Variants in GPR158 observed in about 807,000 individuals in gnomAD.
GPR158 encodes metabotropic glycine receptor.
Under a neutral mutation model 78.2 loss-of-function variants are expected in GPR158, and 30 were observed. That is an observed-to-expected ratio of 0.38 (90% CI 0.29 to 0.52). The LOEUF is 0.52. GPR158 is among the 20% of genes least tolerant of loss of function. The probability of loss-of-function intolerance (pLI) is 0.83; values close to 1 mark genes in which losing one functional copy is unlikely to be tolerated. For synonymous variants in GPR158, 581 were observed against 591.1 expected (o/e 0.98, Z 0.25); for missense variants, 1,463 against 1,523.5 (o/e 0.96, Z 0.66).
intron 5 of GPR158, among the ~76,000 whole-genome samples, chr10:25,526,352 T>C (rs185110653): frequency 6.6e-6 from 1 of 152,230 alleles, no homozygotes; most frequent in Non-Finnish European, 1.5e-5. Flanking sequence ...CCAGTTTATG[T>C]AGTGTGTGAA....
chr10:25,518,429 T>G (rs1836212810), intron 5 of GPR158, among the ~76,000 whole-genome samples: 2 of 94,310 alleles, frequency 2.1e-5, no homozygotes, highest in South Asian at 6.0e-4. Context: ...TGAATGTGTT[T>G]GCTCTTGCTT....
intron 5 of GPR158, among the ~76,000 whole-genome samples, chr10:25,537,562 T>A (rs1385536196): frequency 6.6e-6 from 1 of 152,086 alleles, no homozygotes; most frequent in African/African-American, 2.4e-5. Flanking sequence ...ACATACAATT[T>A]TATATATATT....
At chr10:25,261,786 A>G (rs983990344) in intron 2 of GPR158, among the ~76,000 whole-genome samples, 14 of 152,024 alleles carry the variant, frequency 9.2e-5, no homozygotes, top group Middle Eastern at 3.2e-3. Context: ...TTCCCTTTGG[A>G]GCTAATAGAA....
At position 25,561,881 on chromosome 10, in the gene GPR158, T is replaced by C. The variant is rs568375384; in HGVS notation, c.1515-10768T>C. Among the ~76,000 whole-genome samples, 21 of 152,280 alleles carry C rather than the reference T, an allele frequency of 1.4e-4. 1 individual carries two copies. In the South Asian group the frequency reaches 2.7e-3, roughly 20 times the overall value. On this transcript the variant is annotated intron_variant, in intron 6 of 10. Coordinates refer to ENST00000376351, the MANE Select transcript of GPR158 (RefSeq NM_020752.3). ...GGTGCATATAAGTTTAAAATAGTCA[T>C]ACCGCAGGTAAGAAATTAGTGCAGA...
chr10:25,480,012 T>C (rs958235745), intron 5 of GPR158, among the ~76,000 whole-genome samples: 4 of 152,128 alleles, frequency 2.6e-5, no homozygotes, highest in Admixed American at 1.3e-4. Context: ...TCCAATGTTT[T>C]TGTTTTATTT....
chr10:25,180,687 G>A (rs1254190065), intron 1 of GPR158, among the ~76,000 whole-genome samples: 1 of 152,130 alleles, frequency 6.6e-6, no homozygotes, highest in African/African-American at 2.4e-5. Context: ...TAATACAAAT[G>A]TGGAAATAGA....
At chr10:25,555,223 A>G (rs1230721757) in intron 6 of GPR158, among the ~76,000 whole-genome samples, 4 of 152,248 alleles carry the variant, frequency 2.6e-5, no homozygotes, top group African/African-American at 9.6e-5. Context: ...TTGGTTCCAT[A>G]TGAACTTTAA....
intron 4 of GPR158, among the ~76,000 whole-genome samples, chr10:25,425,012 A>G (rs965515278): frequency 1.3e-5 from 2 of 152,282 alleles, no homozygotes; most frequent in Non-Finnish European, 2.9e-5. Flanking sequence ...CTTCCTACCC[A>G]TGAGCATGGA....
intron 2 of GPR158, among the ~76,000 whole-genome samples, chr10:25,372,818 C>G (rs1157098056): frequency 7.0e-6 from 1 of 142,866 alleles, no homozygotes; most frequent in African/African-American, 2.6e-5. Flanking sequence ...TGTAACTAAC[C>G]TGCACATTGT....
chr10:25,597,139 G>A (rs1837418714), intron 10 of GPR158, among the ~76,000 whole-genome samples: 1 of 152,164 alleles, frequency 6.6e-6, no homozygotes, highest in African/African-American at 2.4e-5. Context: ...GGGAAAGGTA[G>A]GATAGATCTG....
At chr10:25,418,530 A>T (rs1482834971) in intron 4 of GPR158, among the ~76,000 whole-genome samples, 9 of 152,122 alleles carry the variant, frequency 5.9e-5, no homozygotes. Context: ...TAAAACAACA[A>T]GAATTTTAAA....
chr10:25,270,522 C>T (rs1343870855), intron 2 of GPR158, among the ~76,000 whole-genome samples: 5 of 152,136 alleles, frequency 3.3e-5, no homozygotes, highest in African/African-American at 1.2e-4. Context: ...CTACTTTTGG[C>T]TGTCCCAAAG....
chr10:25,447,819 G>C (rs1201554114), intron 4 of GPR158, among the ~76,000 whole-genome samples: 1 of 151,294 alleles, frequency 6.6e-6, no homozygotes, highest in Admixed American at 6.6e-5. Context: ...AATTTACACA[G>C]AGTGAAATGC....
At chr10:25,568,046 C>A (rs900397295) in intron 6 of GPR158, among the ~76,000 whole-genome samples, 1 of 152,156 alleles carries the variant, frequency 6.6e-6, no homozygotes, top group Non-Finnish European at 1.5e-5. Context: ...TATTCCTAAG[C>A]TTCTGCTTTG....
intron 2 of GPR158, among the ~76,000 whole-genome samples, chr10:25,338,625 T>TATA (rs1362307576): frequency 6.8e-6 from 1 of 148,008 alleles, no homozygotes; most frequent in Non-Finnish European, 1.5e-5. Context: ...CATATAAATA[T>TATA]ATAAGCTCTG....
chr10:25,214,608 C>A (rs980582027), intron 1 of GPR158, among the ~76,000 whole-genome samples: 1 of 151,924 alleles, frequency 6.6e-6, no homozygotes, highest in African/African-American at 2.4e-5. Context: ...TTGTGTTCTC[C>A]AAAATTGATA....
intron 2 of GPR158, among the ~76,000 whole-genome samples, chr10:25,371,288 A>G (rs1421099718): frequency 6.6e-6 from 1 of 151,822 alleles, no homozygotes. Context: ...TGTTGGAATG[A>G]TTTTGCAGTG....
chr10:25,334,232 A>G (rs1384718471), intron 2 of GPR158, among the ~76,000 whole-genome samples: 1 of 152,134 alleles, frequency 6.6e-6, no homozygotes, highest in African/African-American at 2.4e-5. Context: ...CGTAATAACA[A>G]TAAAACCCCA....
At position 25,317,731 on chromosome 10, in the gene GPR158, G is replaced by GT. The variant is rs1554793362; in HGVS notation, c.1009-78176dup. Among the ~76,000 whole-genome samples, 244 of 118,614 alleles carry GT rather than the reference G, an allele frequency of 2.1e-3. 10 individuals carry two copies. Among genetic ancestry groups the GT allele is most frequent in the African/African-American group, 8.2e-3 (235 of 28,506 alleles). The allele number at this position is 118,614 out of a possible 152,430, so 77.8% of individuals were successfully genotyped here. ...TTCGTAAAGTGTTTTTTTTTGTTTT[G>GT]TTTTGTTTTGTTTTTGAGACAGAGT... On this transcript the variant is annotated intron_variant, in intron 2 of 10. Coordinates refer to ENST00000376351, the MANE Select transcript of GPR158 (RefSeq NM_020752.3).
Sources: allele counts gnomAD v4.1 joint callset (sites outside exome capture counted in the v4.1 genomes callset), GRCh38; gene constraint gnomAD v4.1.1; transcripts MANE v1.5; gene names NCBI Gene and HGNC (gene_info 2026-07-23, HGNC 2026-07-21).